The following NCSTN variants were observed in gnomAD, a reference collection of about 807,000 sequenced individuals.
NCSTN encodes the protein nicastrin, also known as anterior pharynx-defective 2.
In NCSTN, 22 loss-of-function variants were observed where a neutral mutation model predicts 87.0. The observed-to-expected ratio is 0.25, with a 90% CI of 0.18 to 0.36. NCSTN has a LOEUF of 0.36. Among genes scored for constraint, NCSTN ranks in the 10% least tolerant of loss-of-function variants. NCSTN has a pLI of 1.00. For missense variants in NCSTN, 693 were observed against 883.3 expected (o/e 0.78, Z 2.73); for synonymous variants, 306 against 327.1 (o/e 0.94, Z 0.69).
intron 2 of NCSTN, among the ~76,000 whole-genome samples, chr1:160,347,624 G>T (rs916957530): frequency 6.6e-6 from 1 of 152,080 alleles, no homozygotes; most frequent in Middle Eastern, 3.2e-3. Flanking sequence ...GTGTGTGTGT[G>T]TGTGTGTCAG....
intron 11 of NCSTN, among the ~76,000 whole-genome samples, chr1:160,355,259 T>G (rs1371554960): frequency 6.6e-6 from 1 of 152,212 alleles, no homozygotes; most frequent in African/African-American, 2.4e-5. Context: ...AATCACCTCC[T>G]GCTCCCAGCT....
rs201976815 is a variant in NCSTN at position 160,354,129 on chromosome 1, C to G, written c.1191C>G (p.Leu397=). 1 of 1,614,146 alleles carries G rather than the reference C, an allele frequency of 6.2e-7. No individual in the cohort carries two copies. The highest frequency in any genetic ancestry group is 8.5e-7 in the Non-Finnish European group (1 of 1,180,008). ...NESVRNQVED[L]LATLEKSGAG... is the part of the protein sequence containing the mutation. Reference sequence around the variant, plus strand: ...CTCGTACCCCCCAGGTGGAGGATCTCCTGGCCACATTGGAGAAGAGTGGTG... The same window carrying G: ...CTCGTACCCCCCAGGTGGAGGATCTGCTGGCCACATTGGAGAAGAGTGGTG... The change falls in exon 11 of 17, where the codon CTC becomes CTG. Residue 397 remains leucine, a synonymous_variant. Coordinates refer to ENST00000294785, the MANE Select transcript of NCSTN (RefSeq NM_015331.3).
At position 160,351,204 on chromosome 1, in the gene NCSTN, G is replaced by T; in HGVS notation, c.583-18G>T. On this transcript the variant is annotated intron_variant, in intron 5 of 16. Transcript: ENST00000294785. ...TCCACAAACTAGCTGTCTCAGTGGG[G>T]TCCATCTCCCCTTTCAGTGCTATCA... is the stretch of plus-strand genomic sequence containing the variant. 7 of 1,613,996 alleles carry T rather than the reference G, an allele frequency of 4.3e-6. No homozygotes were observed. The highest frequency in any genetic ancestry group is 5.9e-6 in the Non-Finnish European group (7 of 1,179,978).
At chr1:160,354,524 T>C (rs1649036108) in intron 11 of NCSTN, among the ~76,000 whole-genome samples, 1 of 152,184 alleles carries the variant, frequency 6.6e-6, no homozygotes, top group African/African-American at 2.4e-5. Flanking sequence ...TCAACAATCC[T>C]TGGTTATGGT....
At chr1:160,344,655 A>G (rs768386485) in intron 1 of NCSTN, 67 bp from the exon 2 acceptor site, 1 of 1,596,858 alleles carries the variant, frequency 6.3e-7, no homozygotes, top group South Asian at 1.1e-5. Flanking sequence ...ACTTCAGGTT[A>G]ATGACACGAT....
chr1:160,343,494 C>T lies in NCSTN; in HGVS notation c.85+13C>T, dbSNP rs1648229461. On this transcript the variant is annotated intron_variant, in intron 1 of 16. Transcript: ENST00000294785. ...GTCCTACTAGCAGGTGAGGCCTCCC[C>T]GCCCGTGAGCTCCGTTCTCTAAGGG... The T allele has an allele frequency of 1.3e-6, 2 of 1,597,008 alleles. No homozygotes were observed.
chr1:160,343,959 T>TG, intron 1 of NCSTN: 1 of 257,602 alleles, frequency 3.9e-6, no homozygotes, highest in South Asian at 3.5e-5. Flanking sequence ...CTCAGGTTTT[T>TG]TTTTTTTTTT....
Position 160,351,311 on chromosome 1 carries a change from C to T in NCSTN, c.672C>T (p.Val224=). Residue 224 remains valine (V), a synonymous_variant, in exon 6 of 17, where the codon GTC becomes GTT. Transcript: ENST00000294785. The part of the protein sequence containing the change: ...AMQLFSHMHA[V]ISTATCMRRS... ...AGCTCTTTTCACACATGCATGCTGTCATCAGCACTGCCACCTGCATGCGGC... is the reference window on the plus strand; with the variant it reads ...AGCTCTTTTCACACATGCATGCTGTTATCAGCACTGCCACCTGCATGCGGC... 6.2e-7 allele frequency: 1 copy of T among 1,614,190 alleles called. No homozygotes were observed. The highest frequency in any genetic ancestry group is 8.5e-7 in the Non-Finnish European group (1 of 1,180,022).
chr1:160,355,571 T>A (rs1649084187), intron 11 of NCSTN, 84 bp from the exon 12 acceptor site: 1 of 945,688 alleles, frequency 1.1e-6, no homozygotes, highest in Non-Finnish European at 1.7e-6. Flanking sequence ...AGATACTGAG[T>A]CCCTGCATAA....
chr1:160,347,157 G>A lies in NCSTN; in HGVS notation c.191-1842G>A, dbSNP rs111262912. Among the ~76,000 whole-genome samples the A allele has an allele frequency of 7.5e-3, 1,147 of 152,334 alleles. 21 individuals carry two copies. Among genetic ancestry groups the A allele is most frequent in the African/African-American group, 0.026 (1,089 of 41,576 alleles). The stretch of plus-strand genomic sequence containing the variant: ...TGCCAGTACAGAGAAACAAGAGGGG[G>A]TAAGCGGGACTGTGGCCACTTCCTC... On this transcript the variant is annotated intron_variant, in intron 2 of 16. Transcript: ENST00000294785.
intron 8 of NCSTN, among the ~76,000 whole-genome samples, chr1:160,352,544 C>T (rs922598079): frequency 3.3e-5 from 5 of 152,222 alleles, no homozygotes; most frequent in African/African-American, 1.2e-4. Context: ...ACTCTCATCA[C>T]TAGGACCACA....
intron 1 of NCSTN, chr1:160,344,011 A>G (rs1360755177): frequency 4.2e-6 from 1 of 236,848 alleles, no homozygotes. Context: ...GGATATGGGT[A>G]CTCTTAACTG....
chr1:160,344,598 T>C (rs1234209411), intron 1 of NCSTN, 124 bp from the exon 2 acceptor site: 5 of 1,553,864 alleles, frequency 3.2e-6, no homozygotes, highest in African/African-American at 1.4e-5. Flanking sequence ...GAATGGACTT[T>C]AATCTCATTT....
At position 160,351,983 on chromosome 1, in the gene NCSTN, T is replaced by C. The variant is rs371663092; in HGVS notation, c.844-71T>C. On this transcript the variant is annotated intron_variant, in intron 7 of 16. Coordinates refer to ENST00000294785, the MANE Select transcript of NCSTN (RefSeq NM_015331.3). The stretch of plus-strand genomic sequence containing the variant: ...CACAGGACAGGTATATTCTCTTGAC[T>C]GGAGCAAGAAAGGAGGTTTGGGGCC... 1,959 of 1,575,262 alleles carry C rather than the reference T, an allele frequency of 1.2e-3. 33 individuals are homozygous for C. The South Asian group carries it at 0.021, about 17-fold the overall frequency.
chr1:160,357,030 CT>C lies in NCSTN; in HGVS notation c.1795-9del. The C allele has an allele frequency of 6.2e-7, 1 of 1,610,400 alleles. No individual in the cohort carries two copies. The highest frequency in any genetic ancestry group is 8.5e-7 in the Non-Finnish European group (1 of 1,176,866). ...ACCCTAGCCGTGTGTTGTGGCGCATCTTCTGTGCAGCTGTATGAGTACTCAT... is the reference window on the plus strand; with the variant it reads ...ACCCTAGCCGTGTGTTGTGGCGCATCTCTGTGCAGCTGTATGAGTACTCAT... On this transcript the variant is annotated splice_polypyrimidine_tract_variant and intron_variant, in intron 15 of 16. Coordinates refer to ENST00000294785, the MANE Select transcript of NCSTN (RefSeq NM_015331.3).
intron 2 of NCSTN, among the ~76,000 whole-genome samples, chr1:160,345,938 GAAAAAAAA>G (rs56358787): frequency 1.5e-4 from 9 of 59,808 alleles, no homozygotes; most frequent in African/African-American, 4.0e-4. Context: ...GACACTGTCT[GAAAAAAAA>G]AAAAAAAAAA....
chr1:160,353,285 C>G (rs1415718248), intron 10 of NCSTN, 48 bp downstream of exon 10: 1 of 1,613,622 alleles, frequency 6.2e-7, no homozygotes, highest in Non-Finnish European at 8.5e-7. Context: ...GCTCAGAATC[C>G]AGACCCCAAC....
At chr1:160,346,505 C>G (rs961747790) in intron 2 of NCSTN, among the ~76,000 whole-genome samples, 10 of 152,098 alleles carry the variant, frequency 6.6e-5, no homozygotes, top group Non-Finnish European at 2.9e-5. Flanking sequence ...TTTCCCTGAG[C>G]TATAGTATCT....
chr1:160,356,173 G>T (rs935846947), intron 13 of NCSTN, 87 bp from the exon 14 acceptor site: 6 of 1,255,184 alleles, frequency 4.8e-6, no homozygotes, highest in Non-Finnish European at 7.0e-6. Flanking sequence ...TCTGGTTCCT[G>T]CCCCATGACT....
Sources: gnomAD v4.1 joint callset for allele counts (sites outside exome capture counted in the v4.1 genomes callset) on GRCh38, gnomAD v4.1.1 for gene constraint, MANE v1.5 for transcripts, NCBI Gene and HGNC (gene_info 2026-07-23, HGNC 2026-07-21) for gene names.